FCGRT: variants seen among roughly 807,000 people sequenced by gnomAD.
FCGRT encodes IgG receptor FcRn large subunit p51.
A neutral mutation model predicts 35.7 loss-of-function variants in FCGRT; 13 were observed. That is an observed-to-expected ratio of 0.36 (90% confidence interval 0.24 to 0.58). The LOEUF (loss-of-function observed/expected upper bound fraction) is 0.58. Among genes scored for constraint, FCGRT ranks in the 20% least tolerant of loss-of-function variants. The probability of loss-of-function intolerance (pLI) is 0.77; values close to 1 mark genes in which losing one functional copy is unlikely to be tolerated. For synonymous variants in FCGRT, 233 were observed against 216.5 expected (o/e 1.08, Z -0.67); for missense variants, 455 against 474.9 (o/e 0.96, Z 0.39).
At chr19:49,518,025 T>C (rs1230001028) in intron 4 of FCGRT, among the ~76,000 whole-genome samples, 3 of 151,858 alleles carry the variant, frequency 2.0e-5, no homozygotes, top group Non-Finnish European at 2.9e-5. Context: ...GGGATTTCAC[T>C]ATGTTGGCCA....
At chr19:49,516,295 T>C in intron 4 of FCGRT, 2 of 380,224 alleles carry the variant, frequency 5.3e-6, no homozygotes, top group Non-Finnish European at 1.0e-5. Flanking sequence ...CAGGCTGGAG[T>C]GCAATGGCGC....
intron 4 of FCGRT, chr19:49,521,264 A>C (rs1312420873): frequency 6.6e-6 from 1 of 152,150 alleles, no homozygotes; most frequent in Non-Finnish European, 1.5e-5. Context: ...ATTTGTTGCC[A>C]AGGCTGGTCT....
At chr19:49,513,714 G>GTCTCTCCCTCTC (rs2079987707) in intron 2 of FCGRT, 168 bp from the exon 3 acceptor site, 1 of 524,358 alleles carries the variant, frequency 1.9e-6, no homozygotes, top group African/African-American at 2.8e-5. Context: ...TGGGTCTCTT[G>GTCTCTCCCTCTC]TCTCTCTCTC....
intron 4 of FCGRT, among the ~76,000 whole-genome samples, chr19:49,519,562 G>C (rs943347919): frequency 5.3e-5 from 8 of 151,994 alleles, no homozygotes; most frequent in African/African-American, 1.9e-4. Context: ...TTTGCCCTTT[G>C]CATCCTGTGA....
chr19:49,525,848 GA>G (rs1251442846), intron 6 of FCGRT, 161 bp from the exon 7 acceptor site: 2 of 711,550 alleles, frequency 2.8e-6, no homozygotes, highest in Non-Finnish European at 5.1e-6. Flanking sequence ...GATGTAGAAA[GA>G]GGGGGGACGG....
intron 3 of FCGRT, 36 bp from the exon 4 acceptor site, chr19:49,514,175 T>G: frequency 6.2e-7 from 1 of 1,610,454 alleles, no homozygotes; most frequent in Non-Finnish European, 8.5e-7. Flanking sequence ...GGGTCCATGC[T>G]CCGGGGCCCC....
In FCGRT at chr19:49,524,908, G is replaced by T. The variant is rs536968867; in HGVS notation, c.871+132G>T. The T allele has an allele frequency of 2.1e-3, 1,841 of 894,226 alleles. 5 individuals are homozygous for T. Among genetic ancestry groups the T allele is most frequent in the Non-Finnish European group, 2.7e-3 (1,519 of 561,136 alleles). The allele number at this position is 894,226 out of a possible 1,614,324, so 55.4% of individuals were successfully genotyped here. A position where few individuals can be genotyped will look rare whatever the true frequency, so the allele number is the denominator to read the frequency against. On this transcript the variant is annotated intron_variant, in intron 5 of 6. Coordinates refer to ENST00000221466, the MANE Select transcript of FCGRT (RefSeq NM_001136019.3). ...TGAATCTGACTGCCTTGAACCTCACGCCTGTCAGTGCCCCCAAAACCTGAT... is the reference window on the plus strand; with the variant it reads ...TGAATCTGACTGCCTTGAACCTCACTCCTGTCAGTGCCCCCAAAACCTGAT...
intron 4 of FCGRT, among the ~76,000 whole-genome samples, chr19:49,523,673 A>T (rs1047348670): frequency 4.6e-5 from 7 of 152,032 alleles, no homozygotes; most frequent in Admixed American, 6.6e-5. Flanking sequence ...ATCCTGGCTA[A>T]GACGGTGAAA....
At chr19:49,519,208 A>G (rs1438805854) in intron 4 of FCGRT, among the ~76,000 whole-genome samples, 7 of 151,534 alleles carry the variant, frequency 4.6e-5, no homozygotes, top group Non-Finnish European at 1.0e-4. Context: ...TTGTCTTTTC[A>G]TTGTTTTAAC....
At chr19:49,513,135 A>AG (rs1342457993) in intron 1 of FCGRT, 2 of 129,910 alleles carry the variant, frequency 1.5e-5, no homozygotes, top group Non-Finnish European at 2.4e-5. Context: ...CTGGGGCCTG[A>AG]GGGGGGCGGA....
In FCGRT at chr19:49,512,669, A is replaced by C. The variant is rs1177061396; in HGVS notation, c.-96A>C. 1.3e-5 allele frequency: 2 copies of C among 154,736 alleles called. No individual in the cohort carries two copies. The highest frequency in any genetic ancestry group is 1.3e-4 in the Admixed American group (2 of 15,264). 9.6% of individuals were successfully genotyped at this position (154,736 alleles called of 1,614,324 possible). On this transcript the variant is annotated 5_prime_UTR_variant, in exon 1 of 7. The change abolishes the stop of an existing upstream ORF in the 5' untranslated region. Transcript: ENST00000221466. Reference sequence around the variant, plus strand: ...GAGCAGCAGCCTCCCACAGGATGTGAGAGAGGAACTGGGGTCTCCAGTCAC... The same window carrying C: ...GAGCAGCAGCCTCCCACAGGATGTGCGAGAGGAACTGGGGTCTCCAGTCAC...
chr19:49,517,127 G>T (rs1272017393), intron 4 of FCGRT, among the ~76,000 whole-genome samples: 1 of 152,078 alleles, frequency 6.6e-6, no homozygotes, highest in Admixed American at 6.6e-5. Flanking sequence ...GGAGTTTGAG[G>T]CTGTAGTGAA....
In FCGRT at chr19:49,525,281, T is replaced by TA. The variant is rs2080067585; in HGVS notation, c.872-175dup. On this transcript the variant is annotated intron_variant, in intron 5 of 6. Coordinates refer to ENST00000221466, the MANE Select transcript of FCGRT (RefSeq NM_001136019.3). ...GGCCGCTCGTGCTGTAGCTGGTTCT[T>TA]ACGTCCAACCTGGGGGCAGTCTGCC... is the stretch of plus-strand genomic sequence containing the variant. The TA allele has an allele frequency of 4.7e-6, 3 of 639,386 alleles. No individual in the cohort carries two copies. In the Admixed American group the frequency reaches 6.7e-5, roughly 14 times the overall value. The allele number at this position is 639,386 out of a possible 1,614,324, so 39.6% of individuals were successfully genotyped here. A position where few individuals can be genotyped will look rare whatever the true frequency, so the allele number is the denominator to read the frequency against.
At position 49,526,136 on chromosome 19, in the gene FCGRT, C is replaced by T. The variant is rs1031064936; in HGVS notation, c.*17C>T. The T allele has an allele frequency of 6.6e-7, 1 of 1,519,940 alleles. No homozygotes were observed. The highest frequency in any genetic ancestry group is 9.1e-7 in the Non-Finnish European group (1 of 1,094,334). 94.2% of individuals were successfully genotyped at this position (1,519,940 alleles called of 1,614,324 possible). Reference sequence around the variant, plus strand: ...ACCGCCTGACCATCCGCCATTCCGACTGCTAAAAGCGAATGTAGTCAGGCC... The same window carrying T: ...ACCGCCTGACCATCCGCCATTCCGATTGCTAAAAGCGAATGTAGTCAGGCC... On this transcript the variant is annotated 3_prime_UTR_variant, in exon 7 of 7. Coordinates refer to ENST00000221466, the MANE Select transcript of FCGRT (RefSeq NM_001136019.3).
chr19:49,522,770 CTTTTTTTTTT>C (rs746958247), intron 4 of FCGRT, among the ~76,000 whole-genome samples: 1 of 66,626 alleles, frequency 1.5e-5, no homozygotes, highest in Non-Finnish European at 2.7e-5. Flanking sequence ...CTTAAGCTCT[CTTTTTTTTTT>C]TTTTTTTTTT....
chr19:49,523,924 G>C (rs953148010), intron 4 of FCGRT, among the ~76,000 whole-genome samples: 1 of 151,514 alleles, frequency 6.6e-6, no homozygotes, highest in African/African-American at 2.4e-5. Flanking sequence ...TCTTGTGTCA[G>C]TTTAGAAGGT....
At position 49,524,512 on chromosome 19, in the gene FCGRT, C is replaced by T; in HGVS notation, c.607C>T (p.Pro203Ser). ...GRGNLEWKEP[P>S]SMRLKARPSS... ...GTCTGCCTGATTTCCTGCAGAGCCCCCCTCCATGCGCCTGAAGGCCCGACC... is the reference window on the plus strand; with the variant it reads ...GTCTGCCTGATTTCCTGCAGAGCCCTCCTCCATGCGCCTGAAGGCCCGACC... Residue 203 changes from proline to serine, a missense_variant, in exon 5 of 7, where the codon CCC becomes TCC. Pro to Ser is a moderately conservative substitution (Grantham distance 74). This residue lies in a region of FCGRT where 312 missense variants were observed against 296.1 expected (regional missense o/e 1.05). Coordinates refer to ENST00000221466, the MANE Select transcript of FCGRT (RefSeq NM_001136019.3). The T allele has an allele frequency of 1.2e-6, 2 of 1,605,944 alleles. No individual in the cohort carries two copies. The highest frequency in any genetic ancestry group is 1.7e-6 in the Non-Finnish European group (2 of 1,173,942).
chr19:49,525,136 C>A (rs536470879), intron 5 of FCGRT: 4 of 517,248 alleles, frequency 7.7e-6, no homozygotes, highest in African/African-American at 5.7e-5. Context: ...AGACTGACTG[C>A]CTGCTGCTTT....
chr19:49,522,770 CTT>C (rs746958247), intron 4 of FCGRT, among the ~76,000 whole-genome samples: 37 of 66,650 alleles, frequency 5.6e-4, no homozygotes, highest in South Asian at 1.3e-3. Context: ...CTTAAGCTCT[CTT>C]TTTTTTTTTT....
Sources: allele counts gnomAD v4.1 joint callset (sites outside exome capture counted in the v4.1 genomes callset), GRCh38; gene constraint gnomAD v4.1.1; regional missense constraint gnomAD v4.1.1; transcripts MANE v1.5; gene names NCBI Gene and HGNC (gene_info 2026-07-23, HGNC 2026-07-21).